Variants in DNAJC27 observed in about 807,000 individuals in gnomAD.
DNAJC27 encodes the protein DnaJ heat shock protein family (Hsp40) member C27.
A neutral mutation model predicts 31.4 loss-of-function variants in DNAJC27; 25 were observed. That is an observed-to-expected ratio of 0.80 (90% CI 0.58 to 1.11). The LOEUF is 1.11. Ranked by LOEUF, DNAJC27 falls within the 50% of genes most tolerant of loss-of-function variation. The pLI, the probability that DNAJC27 is intolerant of heterozygous loss-of-function variation, is 0.00. For synonymous variants in DNAJC27, 106 were observed against 112.7 expected, an observed-to-expected ratio of 0.94 and a Z score of 0.37; for missense variants, 356 against 347.3, an observed-to-expected ratio of 1.02 and a Z score of -0.20.
intron 6 of DNAJC27, among the ~76,000 whole-genome samples, chr2:24,948,297 T>C (rs996353459): frequency 1.3e-5 from 2 of 152,104 alleles, no homozygotes; most frequent in Non-Finnish European, 2.9e-5. Context: ...GGTTGTTACA[T>C]AACCCAGGCA....
chr2:24,946,980 G>T lies in DNAJC27; in HGVS notation c.*636C>A, dbSNP rs1355790798. On this transcript the variant is annotated 3_prime_UTR_variant, in exon 7 of 7. Coordinates refer to ENST00000264711, the MANE Select transcript of DNAJC27 (RefSeq NM_016544.3). Reference sequence around the variant, plus strand: ...TGGCTGCCACCACCTTTTCTCTTAGGACTGGCTTGTCTCTCCCACTGGTGG... The same window carrying T: ...TGGCTGCCACCACCTTTTCTCTTAGTACTGGCTTGTCTCTCCCACTGGTGG... The T allele has an allele frequency of 1.3e-5, 2 of 152,204 alleles. No homozygotes were observed. The highest frequency in any genetic ancestry group is 2.9e-5 in the Non-Finnish European group (2 of 68,068). The allele number at this position is 152,204 out of a possible 1,614,324, so 9.4% of individuals were successfully genotyped here.
intron 5 of DNAJC27, among the ~76,000 whole-genome samples, chr2:24,952,554 A>G (rs1257807536): frequency 1.3e-5 from 2 of 152,108 alleles, no homozygotes; most frequent in African/African-American, 4.8e-5. Flanking sequence ...TGCTTCAGTA[A>G]ATTTTTCTTT....
chr2:24,964,683 A>C (rs1043879467), intron 2 of DNAJC27, among the ~76,000 whole-genome samples: 3 of 152,098 alleles, frequency 2.0e-5, no homozygotes, highest in Non-Finnish European at 4.4e-5. Context: ...TATCCTCCTG[A>C]CTCATCATGG....
In DNAJC27 at chr2:24,947,340, T is replaced by C. The variant is rs1665672037; in HGVS notation, c.*276A>G. 2 of 291,090 alleles carry C rather than the reference T, an allele frequency of 6.9e-6. No homozygotes were observed. The highest frequency in any genetic ancestry group is 2.1e-5 in the African/African-American group (1 of 47,210). The allele number at this position is 291,090 out of a possible 1,614,324, so 18.0% of individuals were successfully genotyped here. On this transcript the variant is annotated 3_prime_UTR_variant, in exon 7 of 7. Coordinates refer to ENST00000264711, the MANE Select transcript of DNAJC27 (RefSeq NM_016544.3). ...CAAGTGAAATGTCTAAGTGATACTA[T>C]AATTACAGAGCTGACGAATGAGAAA...
intron 1 of DNAJC27, chr2:24,969,263 T>C (rs548054415): frequency 1.1e-5 from 2 of 174,370 alleles, no homozygotes; most frequent in East Asian, 1.4e-4. Context: ...TAACTTCCAA[T>C]ACCAAACACA....
At chr2:24,954,898 T>G (rs1665869353) in intron 5 of DNAJC27, among the ~76,000 whole-genome samples, 4 of 152,070 alleles carry the variant, frequency 2.6e-5, no homozygotes, top group Admixed American at 2.6e-4. Flanking sequence ...ATTGCGCCAC[T>G]GCACTCCAGC....
chr2:24,963,392 AAGGCTTTCTTACCT>A lies in DNAJC27; in HGVS notation c.239_240+12del, dbSNP rs1356296369. On this transcript the variant is annotated splice_donor_variant and splice_donor_5th_base_variant and coding_sequence_variant and intron_variant, in exon 3 of 7. Coordinates refer to ENST00000264711, the MANE Select transcript of DNAJC27 (RefSeq NM_016544.3). LOFTEE classifies it high-confidence loss of function. ...AATACTGGATATAGGTTTTGTCAAAAAGGCTTTCTTACCTCATAGAAGAAGGGATGTCCAGCCAT... is the reference window on the plus strand; with the variant it reads ...AATACTGGATATAGGTTTTGTCAAAACATAGAAGAAGGGATGTCCAGCCAT... The A allele has an allele frequency of 6.2e-7, 1 of 1,610,376 alleles. No homozygotes were observed. Among genetic ancestry groups the A allele is most frequent in the Non-Finnish European group, 8.5e-7 (1 of 1,177,174 alleles).
chr2:24,966,456 A>G (rs1666184083), intron 2 of DNAJC27, among the ~76,000 whole-genome samples: 1 of 151,902 alleles, frequency 6.6e-6, no homozygotes, highest in Non-Finnish European at 1.5e-5. Flanking sequence ...ACTTTTCCCA[A>G]TTCATTTTTT....
At chr2:24,967,700 T>TA (rs565339788) in intron 1 of DNAJC27, among the ~76,000 whole-genome samples, 18,489 of 132,838 alleles carry the variant, frequency 0.14, 2,698 homozygotes, top group African/African-American at 0.38. Context: ...AACGCTTGTC[T>TA]AAAAAAAAAA....
chr2:24,951,454 C>A lies in DNAJC27; in HGVS notation c.629G>T (p.Arg210Leu), dbSNP rs766130709. 1 of 1,613,822 alleles carries A rather than the reference C, an allele frequency of 6.2e-7. No individual in the cohort carries two copies. The highest frequency in any genetic ancestry group is 1.1e-5 in the South Asian group (1 of 90,986). Residue 210 changes from arginine (R) to leucine (L), a missense_variant, in exon 6 of 7, where the codon CGC (arginine) becomes CTC (leucine). Coordinates refer to ENST00000264711, the MANE Select transcript of DNAJC27 (RefSeq NM_016544.3). ...ACTGTCTTTACTATTTCGAATTCTG[C>A]GAATGGCATCTGCTTGTTCTTTGGT... ...SFTKEQADAIRRIRNSKDSWD... is the reference protein window; with the variant it reads ...SFTKEQADAILRIRNSKDSWD...
chr2:24,965,254 CATTTTT>C (rs1319753959), intron 2 of DNAJC27, among the ~76,000 whole-genome samples: 1 of 150,952 alleles, frequency 6.6e-6, no homozygotes, highest in Non-Finnish European at 1.5e-5. Context: ...ATGTGAATTT[CATTTTT>C]ATTTTTATTT....
chr2:24,954,612 CA>C (rs1665860535), intron 5 of DNAJC27, among the ~76,000 whole-genome samples: 1 of 152,204 alleles, frequency 6.6e-6, no homozygotes, highest in East Asian at 1.9e-4. Context: ...CCTGAGGAAT[CA>C]AAAATCAACA....
intron 6 of DNAJC27, among the ~76,000 whole-genome samples, chr2:24,947,963 C>CA (rs1179389109): frequency 1.3e-5 from 2 of 152,212 alleles, no homozygotes; most frequent in Admixed American, 1.3e-4. Flanking sequence ...TTGCACAATG[C>CA]AAAAAGTATA....
rs763544422 is a variant in DNAJC27, at chr2:24,951,472, TC to T, written c.610del (p.Glu204AsnfsTer47). On this transcript the variant is annotated frameshift_variant, in exon 6 of 7. Coordinates refer to ENST00000264711, the MANE Select transcript of DNAJC27 (RefSeq NM_016544.3). LOFTEE classifies it high-confidence loss of function. The part of the protein sequence containing the change: ...TTNSSASFTK[E>X]QADAIRRIRN... Reference sequence around the variant, plus strand: ...AATTCTGCGAATGGCATCTGCTTGTTCTTTGGTGAAACTAGCACTGCTATTG... The same window carrying T: ...AATTCTGCGAATGGCATCTGCTTGTTTTTGGTGAAACTAGCACTGCTATTG... 6.2e-7 allele frequency: 1 copy of T among 1,613,930 alleles called. No individual in the cohort carries two copies. Among genetic ancestry groups the T allele is most frequent in the South Asian group, 1.1e-5 (1 of 91,026 alleles).
intron 5 of DNAJC27, among the ~76,000 whole-genome samples, chr2:24,954,231 G>C (rs1665849866): frequency 6.6e-6 from 1 of 152,188 alleles, no homozygotes; most frequent in Non-Finnish European, 1.5e-5. Context: ...AGGCTTACCA[G>C]ATAACAGCTG....
At position 24,962,208 on chromosome 2, in the gene DNAJC27, CT is replaced by C. The variant is rs375585955; in HGVS notation, c.240+1196del. On this transcript the variant is annotated intron_variant, in intron 3 of 6. Transcript: ENST00000264711. Reference sequence around the variant, plus strand: ...TAACACTTGGAAACTAAACAACATACTTTTTTTCTTTTGTTTTTTTTTGTGT... The same window carrying C: ...TAACACTTGGAAACTAAACAACATACTTTTTTCTTTTGTTTTTTTTTGTGT... 3.3e-3 allele frequency among the ~76,000 whole-genome samples: 215 copies of C among 65,176 alleles called. 2 individuals are homozygous for C. The highest frequency in any genetic ancestry group is 7.2e-3 in the African/African-American group (160 of 22,358). 42.8% of individuals were successfully genotyped at this position (65,176 alleles called of 152,430 possible). A position where few individuals can be genotyped will look rare whatever the true frequency, so the allele number is the denominator to read the frequency against.
At position 24,946,156 on chromosome 2, in the gene DNAJC27, C is replaced by T. The variant is rs993906983; in HGVS notation, c.*1460G>A. The stretch of plus-strand genomic sequence containing the variant: ...CCAGTCCTAATACATGAACTTCATC[C>T]ATCCCTTGTATATCAAGGAGGAGAC... On this transcript the variant is annotated 3_prime_UTR_variant, in exon 7 of 7. Transcript: ENST00000264711. 5 of 152,280 alleles carry T rather than the reference C, an allele frequency of 3.3e-5. No individual in the cohort carries two copies. The highest frequency in any genetic ancestry group is 2.1e-4 in the South Asian group (1 of 4,824). 9.4% of individuals were successfully genotyped at this position (152,280 alleles called of 1,614,324 possible).
intron 3 of DNAJC27, among the ~76,000 whole-genome samples, chr2:24,958,254 T>C (rs183669389): frequency 3.3e-5 from 5 of 152,274 alleles, no homozygotes; most frequent in East Asian, 3.9e-4. Context: ...TCTTTAATTA[T>C]AGTAGACCTT....
At chr2:24,958,104 C>T in intron 3 of DNAJC27, 130 bp from the exon 4 acceptor site, 1 of 818,956 alleles carries the variant, frequency 1.2e-6, no homozygotes, top group East Asian at 2.7e-5. Flanking sequence ...TCTGTTTCTA[C>T]TGGTCATTAG....
Sources: allele counts gnomAD v4.1 joint callset (sites outside exome capture counted in the v4.1 genomes callset), GRCh38; gene constraint gnomAD v4.1.1; transcripts MANE v1.5; gene names NCBI Gene and HGNC (gene_info 2026-07-23, HGNC 2026-07-21).